Variants in CACNA1D observed in about 807,000 individuals in gnomAD.
CACNA1D encodes the protein calcium voltage-gated channel subunit alpha1 D.
CACNA1D carries 55 observed loss-of-function variants against 257.1 expected under a neutral mutation model. The ratio of observed to expected loss-of-function variants is 0.21; its 90% CI spans 0.17 to 0.27. The LOEUF is 0.27. CACNA1D is among the 10% of genes least tolerant of loss of function. CACNA1D has a pLI of 1.00. For synonymous variants in CACNA1D, 980 were observed against 1,014.9 expected (o/e 0.97, Z 0.65); for missense variants, 1,876 against 2,784.0 (o/e 0.67, Z 7.34).
intron 40 of CACNA1D, among the ~76,000 whole-genome samples, chr3:53,797,383 C>T (rs1245048823): frequency 1.3e-5 from 2 of 152,190 alleles, no homozygotes; most frequent in African/African-American, 2.4e-5. Context: ...GAGTCAGTCC[C>T]TGACTCTTAT....
intron 12 of CACNA1D, 88 bp downstream of exon 12, chr3:53,722,562 T>C: frequency 2.3e-6 from 3 of 1,297,968 alleles, no homozygotes; most frequent in Non-Finnish European, 3.4e-6. Context: ...GATCGCTGCA[T>C]GATGAAGTAT....
At chr3:53,691,727 A>G (rs1248762489) in intron 8 of CACNA1D, among the ~76,000 whole-genome samples, 6 of 106,696 alleles carry the variant, frequency 5.6e-5, no homozygotes, top group Non-Finnish European at 9.3e-5. Flanking sequence ...TATTACATAT[A>G]TAATATATAT....
chr3:53,568,687 C>T (rs896353987), intron 3 of CACNA1D, among the ~76,000 whole-genome samples: 2 of 152,196 alleles, frequency 1.3e-5, no homozygotes, highest in Non-Finnish European at 2.9e-5. Context: ...CTGGATCTTC[C>T]CAGTCAATAC....
Position 53,673,309 on chromosome 3 carries a change from A to G in CACNA1D, c.1220+183A>G, listed in dbSNP as rs575169504. ...GTTTCCTGGAACCTCACCAGGCTTCATGAAGGAGAACTATAGAACGATTAT... is the reference window on the plus strand; with the variant it reads ...GTTTCCTGGAACCTCACCAGGCTTCGTGAAGGAGAACTATAGAACGATTAT... On this transcript the variant is annotated intron_variant, in intron 8 of 47. Transcript: ENST00000350061. The surrounding 1 kb of genome is among the most constrained non-coding windows in gnomAD (Gnocchi z 4.1). 2.0e-5 allele frequency among the ~76,000 whole-genome samples: 3 copies of G among 152,220 alleles called. No homozygotes were observed. Among genetic ancestry groups the G allele is most frequent in the African/African-American group, 7.2e-5 (3 of 41,456 alleles).
intron 3 of CACNA1D, among the ~76,000 whole-genome samples, chr3:53,526,986 T>A (rs1023695439): frequency 1.3e-5 from 2 of 152,250 alleles, no homozygotes; most frequent in African/African-American, 4.8e-5. Flanking sequence ...ACTTGGATTT[T>A]GAGAACTGCA....
intron 3 of CACNA1D, among the ~76,000 whole-genome samples, chr3:53,612,399 G>A (rs568399450): frequency 1.5e-4 from 23 of 152,262 alleles, no homozygotes; most frequent in Admixed American, 8.5e-4. Context: ...GTCTTTAAGC[G>A]TTGTTAGGGT....
chr3:53,547,598 A>G (rs1002357029), intron 3 of CACNA1D, among the ~76,000 whole-genome samples: 3 of 151,936 alleles, frequency 2.0e-5, no homozygotes, highest in Admixed American at 6.6e-5. Flanking sequence ...GTAGTTGGAG[A>G]TGATGGACGT....
At chr3:53,796,451 G>A in intron 40 of CACNA1D, 2 of 454,142 alleles carry the variant, frequency 4.4e-6, no homozygotes, top group Non-Finnish European at 4.4e-6. Context: ...CTGTGGCGCT[G>A]TGAGGGCTGG....
Position 53,800,836 on chromosome 3 carries a change from C to A in CACNA1D, c.5041-222C>A. The A allele has an allele frequency of 1.6e-6, 1 of 611,796 alleles. No individual in the cohort carries two copies. The allele number at this position is 611,796 out of a possible 1,614,324, so 37.9% of individuals were successfully genotyped here. A position where few individuals can be genotyped will look rare whatever the true frequency, so the allele number is the denominator to read the frequency against. On this transcript the variant is annotated intron_variant, in intron 41 of 47. Transcript: ENST00000350061. The surrounding 1 kb of genome is among the most constrained non-coding windows in gnomAD (Gnocchi z 4.3). ...AGCACACTCGAGTGACAGCCGACAG[C>A]TTGCTCCCCAGCTCAGGAAATCGGT... is the stretch of plus-strand genomic sequence containing the variant.
intron 3 of CACNA1D, among the ~76,000 whole-genome samples, chr3:53,538,141 GTTTTTTTTTTT>G (rs538996336): frequency 1.9e-4 from 17 of 90,478 alleles, no homozygotes; most frequent in Non-Finnish European, 2.7e-4. Flanking sequence ...AGTTTTTGAA[GTTTTTTTTTTT>G]TTTTTTTTTT....
rs538064361 is a variant in CACNA1D at position 53,510,976 on chromosome 3, T to TA, written c.483+9258dup. Among the ~76,000 whole-genome samples the TA allele has an allele frequency of 6.7e-4, 102 of 152,342 alleles. 4 individuals are homozygous for TA. The East Asian group carries it at 0.012, about 18-fold the overall frequency. The stretch of plus-strand genomic sequence containing the variant: ...GAGTGAAATATTCATTCCAGGTAGC[T>TA]AATAGGTAAATAAGTTCCTAATACA... On this transcript the variant is annotated intron_variant, in intron 3 of 47. Coordinates refer to ENST00000350061, the MANE Select transcript of CACNA1D (RefSeq NM_001128840.3).
rs1397737576 is a variant in CACNA1D, at chr3:53,774,970, C to T, written c.4202+292C>T. Among the ~76,000 whole-genome samples the T allele has an allele frequency of 2.6e-5, 4 of 152,144 alleles. No individual in the cohort carries two copies. The highest frequency in any genetic ancestry group is 5.9e-5 in the Non-Finnish European group (4 of 68,042). The stretch of plus-strand genomic sequence containing the variant: ...GCCACCTGAAAAATTGTAGGATGTA[C>T]GTTTATGCATGGAGGCATGCACTTG... On this transcript the variant is annotated intron_variant, in intron 34 of 47. Transcript: ENST00000350061. This position sits in a 1 kb window ranked among gnomAD's most constrained non-coding sequence, Gnocchi z 4.3.
rs377165258 is a variant in CACNA1D, at chr3:53,723,960, C to T, written c.2061C>T (p.Thr687=). Residue 687 remains threonine (T), a synonymous_variant, in exon 14 of 48, where the codon ACC becomes ACT. Coordinates refer to ENST00000350061, the MANE Select transcript of CACNA1D (RefSeq NM_001128840.3). This position sits in a 1 kb window ranked among gnomAD's most constrained non-coding sequence, Gnocchi z 5.6. ...NFDETQTKRS[T]FDNFPQALLT... ...ATGAAACGCAAACCAAGCGGAGCAC[C>T]TTTGACAATTTCCCTCAAGCACTTC... is the stretch of plus-strand genomic sequence containing the variant. 7.3e-5 allele frequency: 118 copies of T among 1,614,064 alleles called. No homozygotes were observed. The highest frequency in any genetic ancestry group is 8.9e-5 in the Non-Finnish European group (105 of 1,180,038).
At chr3:53,692,242 T>C (rs911617994) in intron 8 of CACNA1D, among the ~76,000 whole-genome samples, 2 of 151,938 alleles carry the variant, frequency 1.3e-5, no homozygotes, top group African/African-American at 4.8e-5. Context: ...AAGAAAATAG[T>C]GAAAAACCAA....
chr3:53,768,936 C>T (rs1036005673), intron 30 of CACNA1D, among the ~76,000 whole-genome samples: 3 of 152,228 alleles, frequency 2.0e-5, no homozygotes, highest in Admixed American at 6.5e-5. Context: ...AGCCCCTAAC[C>T]GGAAGAGCCT....
chr3:53,631,037 C>T (rs987917866), intron 3 of CACNA1D, among the ~76,000 whole-genome samples: 2 of 152,156 alleles, frequency 1.3e-5, no homozygotes, highest in Non-Finnish European at 2.9e-5. Context: ...AGGGGCTTTG[C>T]CTTGATGTTG....
chr3:53,583,791 G>A (rs2093169854), intron 3 of CACNA1D, among the ~76,000 whole-genome samples: 1 of 151,176 alleles, frequency 6.6e-6, no homozygotes, highest in African/African-American at 2.4e-5. Flanking sequence ...GTAAGGTGCT[G>A]GAATGACAGA....
At chr3:53,749,208 G>C in intron 26 of CACNA1D, 60 bp from the exon 27 acceptor site, 5 of 1,220,912 alleles carry the variant, frequency 4.1e-6, no homozygotes, top group Non-Finnish European at 6.0e-6. Flanking sequence ...GGAAGGCAGC[G>C]GGCTGGGCCG....
rs773664112 is a variant in CACNA1D, at chr3:53,810,035, T to C, written c.5929T>C (p.Ser1977Pro). Residue 1977 changes from serine to proline, a missense_variant, in exon 47 of 48, where the codon TCG becomes CCG. Physicochemically the swap from Ser to Pro is moderately conservative, Grantham distance 74. Around this residue, in one of 10 missense-constraint regions of CACNA1D, gnomAD observed 491 missense variants for 554.3 expected, o/e 0.89. Coordinates refer to ENST00000350061, the MANE Select transcript of CACNA1D (RefSeq NM_001128840.3). ...AGCCCAGAAGTACTCACCGAGTCAC[T>C]CGACCCGGTCGTGGGCCACCCCTCC... ...SKAQKYSPSH[S>P]TRSWATPPAT... The C allele has an allele frequency of 5.0e-6, 8 of 1,613,864 alleles. No homozygotes were observed. The highest frequency in any genetic ancestry group is 6.8e-6 in the Non-Finnish European group (8 of 1,179,994).
Sources: allele counts gnomAD v4.1 joint callset (sites outside exome capture counted in the v4.1 genomes callset), GRCh38; gene constraint gnomAD v4.1.1; regional missense constraint gnomAD v4.1.1; non-coding constraint Gnocchi (gnomAD v3.1); transcripts MANE v1.5; gene names NCBI Gene and HGNC (gene_info 2026-07-23, HGNC 2026-07-21).